BRINP1: variants seen among roughly 807,000 people sequenced by gnomAD.
BRINP1 encodes the protein BMP/retinoic acid-inducible neural-specific protein 1.
In BRINP1, 17 loss-of-function variants were observed where a neutral mutation model predicts 72.9. The ratio of observed to expected loss-of-function variants is 0.23; its 90% CI spans 0.16 to 0.35. The LOEUF (loss-of-function observed/expected upper bound fraction) is 0.35. Ranked by LOEUF, BRINP1 falls within the 10% of genes least tolerant of loss-of-function variation. BRINP1 has a pLI of 1.00. For missense variants in BRINP1, 850 were observed against 1,001.6 expected (o/e 0.85, Z 2.04); for synonymous variants, 418 against 378.5 (o/e 1.10, Z -1.21).
At chr9:119,168,431 A>T (rs1829347412) in intron 7 of BRINP1, among the ~76,000 whole-genome samples, 1 of 152,174 alleles carries the variant, frequency 6.6e-6, no homozygotes, top group African/African-American at 2.4e-5. Flanking sequence ...ATGACATCGT[A>T]CTTTACCTTC....
At chr9:119,180,774 A>C (rs1829548105) in intron 7 of BRINP1, among the ~76,000 whole-genome samples, 1 of 152,160 alleles carries the variant, frequency 6.6e-6, no homozygotes, top group Admixed American at 6.5e-5. Context: ...AGCCTCATTA[A>C]GTAGCTCATA....
chr9:119,241,116 G>T (rs544928959), intron 4 of BRINP1, among the ~76,000 whole-genome samples: 1 of 152,318 alleles, frequency 6.6e-6, no homozygotes, highest in East Asian at 1.9e-4. Flanking sequence ...GTCCAGGGCT[G>T]CTTTTCTCAA....
At chr9:119,353,822 C>CTTTTTTTTTTT in intron 1 of BRINP1, among the ~76,000 whole-genome samples, 1 of 30,924 alleles carries the variant, frequency 3.2e-5, no homozygotes, top group Non-Finnish European at 5.8e-5. Context: ...GTTTTGAGCA[C>CTTTTTTTTTTT]TTTTTTTTTT....
chr9:119,325,699 T>C (rs577440182), intron 1 of BRINP1, among the ~76,000 whole-genome samples: 1 of 152,216 alleles, frequency 6.6e-6, no homozygotes, highest in African/African-American at 2.4e-5. Flanking sequence ...AAGCCCTTGT[T>C]GCCAGAGTGA....
At chr9:119,297,963 C>T (rs1215788445) in intron 2 of BRINP1, among the ~76,000 whole-genome samples, 9 of 152,196 alleles carry the variant, frequency 5.9e-5, no homozygotes, top group African/African-American at 1.9e-4. Context: ...AGTGCCTTTT[C>T]GTAAATCAAA....
intron 1 of BRINP1, among the ~76,000 whole-genome samples, chr9:119,365,249 A>T (rs1264242177): frequency 1.3e-5 from 2 of 152,218 alleles, no homozygotes; most frequent in Non-Finnish European, 2.9e-5. Context: ...TATGGGTGGA[A>T]TTTTGTTAAA....
intron 2 of BRINP1, among the ~76,000 whole-genome samples, chr9:119,267,829 A>G (rs988764412): frequency 5.9e-5 from 9 of 152,184 alleles, no homozygotes; most frequent in African/African-American, 2.2e-4. Flanking sequence ...GAAGAGGCCG[A>G]AGGACTGAGA....
intron 1 of BRINP1, among the ~76,000 whole-genome samples, chr9:119,349,911 CCTT>C (rs1233629729): frequency 1.3e-4 from 20 of 152,282 alleles, no homozygotes; most frequent in African/African-American, 4.8e-4. Context: ...ATTTCTTTCT[CCTT>C]CTTAAGCTTC....
intron 2 of BRINP1, among the ~76,000 whole-genome samples, chr9:119,278,793 C>T (rs1331582243): frequency 6.6e-6 from 1 of 152,056 alleles, no homozygotes; most frequent in Non-Finnish European, 1.5e-5. Context: ...GAGGCTGAGG[C>T]AGGAGAGTGG....
At chr9:119,312,559 A>T (rs1159241154) in intron 2 of BRINP1, among the ~76,000 whole-genome samples, 1 of 152,152 alleles carries the variant, frequency 6.6e-6, no homozygotes, top group Non-Finnish European at 1.5e-5. Context: ...CTTTTTTTGG[A>T]TGAGTAGAAT....
At chr9:119,292,255 A>G (rs1335103369) in intron 2 of BRINP1, among the ~76,000 whole-genome samples, 1 of 152,218 alleles carries the variant, frequency 6.6e-6, no homozygotes, top group Admixed American at 6.5e-5. Flanking sequence ...TTTTCTACCC[A>G]GTGTTCTCAT....
chr9:119,366,503 C>CATGTGT (rs1418552790), intron 1 of BRINP1, among the ~76,000 whole-genome samples: 1 of 136,226 alleles, frequency 7.3e-6, no homozygotes, highest in Admixed American at 7.2e-5. Context: ...CCCCCACCAC[C>CATGTGT]GTGTGTGTGT....
chr9:119,201,158 T>A (rs1017803757), intron 7 of BRINP1, among the ~76,000 whole-genome samples: 1 of 152,178 alleles, frequency 6.6e-6, no homozygotes, highest in African/African-American at 2.4e-5. Context: ...CCATGGAACA[T>A]AGATTGGAAA....
chr9:119,311,571 T>C (rs902732687), intron 2 of BRINP1, among the ~76,000 whole-genome samples: 5 of 152,158 alleles, frequency 3.3e-5, no homozygotes, highest in Non-Finnish European at 7.4e-5. Flanking sequence ...ATAACATAGG[T>C]TGAAAACTGC....
intron 5 of BRINP1, among the ~76,000 whole-genome samples, chr9:119,236,788 T>C (rs12347056): frequency 0.1 from 15,341 of 152,230 alleles, 971 homozygotes; most frequent in African/African-American, 0.18. Context: ...CTGTCTACTC[T>C]TTTTTCTGTC....
At chr9:119,195,478 T>C (rs2118855408) in intron 7 of BRINP1, among the ~76,000 whole-genome samples, 1 of 152,314 alleles carries the variant, frequency 6.6e-6, no homozygotes, top group East Asian at 1.9e-4. Context: ...CTCTAACTCA[T>C]CCACTGGTTA....
At chr9:119,339,500 A>G (rs1216892349) in intron 1 of BRINP1, among the ~76,000 whole-genome samples, 1 of 152,252 alleles carries the variant, frequency 6.6e-6, no homozygotes, top group East Asian at 1.9e-4. Context: ...TTCCTAGAAC[A>G]ATGCCTAGCA....
chr9:119,203,493 C>T (rs1008975627), intron 7 of BRINP1, among the ~76,000 whole-genome samples: 28 of 152,166 alleles, frequency 1.8e-4, no homozygotes, highest in African/African-American at 6.3e-4. Context: ...CAATACCTAA[C>T]ATGTATTGAG....
chr9:119,167,026 A>AT lies in BRINP1; in HGVS notation c.*57dup. On this transcript the variant is annotated 3_prime_UTR_variant, in exon 8 of 8. Transcript: ENST00000265922. The surrounding 1 kb of genome is among the most constrained non-coding windows in gnomAD (Gnocchi z 4.3). ...GGGTTTTTTTGTTTTGTTTTGCTTCATTTTGTTCTGTTGTGTGTGTACAAC... is the reference window on the plus strand; with the variant it reads ...GGGTTTTTTTGTTTTGTTTTGCTTCATTTTTGTTCTGTTGTGTGTGTACAAC... 1 of 1,481,436 alleles carries AT rather than the reference A, an allele frequency of 6.8e-7. No homozygotes were observed. The highest frequency in any genetic ancestry group is 2.3e-5 in the Admixed American group (1 of 42,732). The allele number at this position is 1,481,436 out of a possible 1,614,324, so 91.8% of individuals were successfully genotyped here.
Sources: allele counts gnomAD v4.1 joint callset (sites outside exome capture counted in the v4.1 genomes callset), GRCh38; gene constraint gnomAD v4.1.1; non-coding constraint Gnocchi (gnomAD v3.1); transcripts MANE v1.5; gene names NCBI Gene and HGNC (gene_info 2026-07-23, HGNC 2026-07-21).